MCC: variants seen among roughly 807,000 people sequenced by gnomAD.
MCC encodes MCC regulator of Wnt signaling pathway, also known as colorectal mutant cancer protein.
In MCC, 90 loss-of-function variants were observed where a neutral mutation model predicts 116.2. The ratio of observed to expected loss-of-function variants is 0.77; its 90% CI spans 0.65 to 0.92. The LOEUF (loss-of-function observed/expected upper bound fraction) is 0.92, where lower values mean the gene tolerates loss of function less well. Among genes scored for constraint, MCC ranks in the 40% least tolerant of loss-of-function variants. MCC has a pLI of 0.00. For missense variants in MCC, 1,516 were observed against 1,312.2 expected, an observed-to-expected ratio of 1.16 and a Z score of -2.40; for synonymous variants, 578 against 510.5, an observed-to-expected ratio of 1.13 and a Z score of -1.78.
chr5:113,267,677 A>C (rs1215941682), intron 3 of MCC, among the ~76,000 whole-genome samples: 3 of 152,240 alleles, frequency 2.0e-5, no homozygotes, highest in African/African-American at 7.2e-5. Context: ...CAATTTCCAG[A>C]ACAGGCACAT....
Position 113,434,163 on chromosome 5 carries a change from C to A in MCC, c.171-48951G>T, listed in dbSNP as rs756692400. 6.4e-5 allele frequency: 104 copies of A among 1,614,042 alleles called. No homozygotes were observed. The South Asian group carries it at 1.1e-3, about 17-fold the overall frequency. ...GTTGACGCGGTGCTCCTTCTGGATA[C>A]GCAGCATCTTCTTGATGTTGGAGTC... On this transcript the variant is annotated intron_variant, in intron 1 of 18. Coordinates refer to ENST00000408903, the MANE Select transcript of MCC (RefSeq NM_001085377.2). The surrounding 1 kb of genome is among the most constrained non-coding windows in gnomAD (Gnocchi z 4.2).
At chr5:113,366,606 T>C (rs1768694391) in intron 2 of MCC, among the ~76,000 whole-genome samples, 1 of 152,172 alleles carries the variant, frequency 6.6e-6, no homozygotes. Flanking sequence ...CGCTGAAATT[T>C]GTCTTCTGTT....
At position 113,473,996 on chromosome 5, in the gene MCC, C is replaced by A. The variant is rs1220604355; in HGVS notation, c.170+14249G>T. Among the ~76,000 whole-genome samples, 3 of 152,258 alleles carry A rather than the reference C, an allele frequency of 2.0e-5. No individual in the cohort carries two copies. The Middle Eastern group carries it at 0.01, about 518-fold the overall frequency. On this transcript the variant is annotated intron_variant, in intron 1 of 18. Transcript: ENST00000408903. ...GTGAGACTTATCTAAAGTTACACGA[C>A]CAGTTAGTAGCAGGGGCACTGAATT...
chr5:113,225,284 C>A (rs1439517798), intron 3 of MCC, among the ~76,000 whole-genome samples: 2 of 152,200 alleles, frequency 1.3e-5, no homozygotes, highest in South Asian at 2.1e-4. Flanking sequence ...TTACCCTCAA[C>A]GTATTCTGAC....
At chr5:113,454,278 T>C (rs1351111527) in intron 1 of MCC, among the ~76,000 whole-genome samples, 3 of 152,210 alleles carry the variant, frequency 2.0e-5, no homozygotes, top group Admixed American at 2.0e-4. Flanking sequence ...CTAATTTTTA[T>C]ATTTTTTGTA....
chr5:113,305,903 C>T (rs1026028375), intron 3 of MCC, among the ~76,000 whole-genome samples: 2 of 152,154 alleles, frequency 1.3e-5, no homozygotes, highest in African/African-American at 4.8e-5. Flanking sequence ...TACTCATTAG[C>T]AGTCACTCTG....
At chr5:113,333,831 ATATG>A (rs1461379931) in intron 3 of MCC, among the ~76,000 whole-genome samples, 3 of 106,036 alleles carry the variant, frequency 2.8e-5, no homozygotes, top group Admixed American at 9.6e-5. Context: ...ATATATGTAT[ATATG>A]TATATATGTA....
chr5:113,043,919 TC>T (rs1020119773), intron 16 of MCC, among the ~76,000 whole-genome samples: 3 of 152,234 alleles, frequency 2.0e-5, no homozygotes, highest in African/African-American at 7.2e-5. Context: ...CCATATGCAT[TC>T]AATCATTTAA....
chr5:113,034,499 G>C (rs990883753), intron 17 of MCC, among the ~76,000 whole-genome samples: 1 of 152,218 alleles, frequency 6.6e-6, no homozygotes, highest in African/African-American at 2.4e-5. Flanking sequence ...GTCATCGGGC[G>C]AGAGCCCAGT....
intron 3 of MCC, among the ~76,000 whole-genome samples, chr5:113,214,140 A>T (rs1763228338): frequency 6.6e-6 from 1 of 152,232 alleles, no homozygotes; most frequent in African/African-American, 2.4e-5. Flanking sequence ...CAAAAATCCA[A>T]GGCCACACAC....
chr5:113,405,123 G>A lies in MCC; in HGVS notation c.171-19911C>T, dbSNP rs1289576041. On this transcript the variant is annotated intron_variant, in intron 1 of 18. Transcript: ENST00000408903. ...CAGTCAGCATCCTGATATCTAAAAA[G>A]CAATGTTAGAGAAAAATAAGCCAAG... 5.9e-5 allele frequency among the ~76,000 whole-genome samples: 9 copies of A among 152,194 alleles called. No individual in the cohort carries two copies. In the South Asian group the frequency reaches 1.7e-3, roughly 28 times the overall value.
At position 113,385,184 on chromosome 5, in the gene MCC, G is replaced by C. The variant is rs945389932; in HGVS notation, c.199C>G (p.Leu67Val). The C allele has an allele frequency of 6.2e-6, 10 of 1,613,892 alleles. No homozygotes were observed. The highest frequency in any genetic ancestry group is 8.5e-6 in the Non-Finnish European group (10 of 1,180,014). The stretch of plus-strand genomic sequence containing the variant: ...TCAGCCACAGACTCTTCCATATTCA[G>C]CTGGCGACAGACCATTAGCAAGTCA... The part of the protein sequence containing the change: ...RNDLLMVCRQ[L>V]NMEESVAEIM... Residue 67 changes from leucine (L) to valine (V), a missense_variant, in exon 2 of 19, where the codon CTG becomes GTG. Transcript: ENST00000408903.
intron 6 of MCC, among the ~76,000 whole-genome samples, chr5:113,109,759 A>G (rs1299630518): frequency 6.6e-6 from 1 of 152,216 alleles, no homozygotes; most frequent in Non-Finnish European, 1.5e-5. Flanking sequence ...GCACATTCAG[A>G]AAGGATTTGA....
intron 11 of MCC, among the ~76,000 whole-genome samples, chr5:113,079,955 A>C (rs1489293543): frequency 6.6e-6 from 1 of 152,254 alleles, no homozygotes; most frequent in Non-Finnish European, 1.5e-5. Flanking sequence ...CAAATTTACA[A>C]GACAAAATCA....
At chr5:113,112,401 G>C (rs1427627974) in intron 6 of MCC, among the ~76,000 whole-genome samples, 1 of 152,108 alleles carries the variant, frequency 6.6e-6, no homozygotes, top group Non-Finnish European at 1.5e-5. Flanking sequence ...TTGTTTAAAA[G>C]TGTGTAGCAC....
intron 1 of MCC, chr5:113,432,710 TCGTTTG>T (rs1452406653): frequency 2.0e-5 from 3 of 152,226 alleles, no homozygotes; most frequent in African/African-American, 7.2e-5. Context: ...ATTAGCTGAT[TCGTTTG>T]TCCATTAATT....
At chr5:113,130,025 C>G (rs559630756) in intron 5 of MCC, among the ~76,000 whole-genome samples, 1 of 152,314 alleles carries the variant, frequency 6.6e-6, no homozygotes, top group African/African-American at 2.4e-5. Context: ...GCTATAAAGA[C>G]ACATGCACAT....
At chr5:113,067,074 G>C (rs191146018) in intron 13 of MCC, among the ~76,000 whole-genome samples, 1 of 152,210 alleles carries the variant, frequency 6.6e-6, no homozygotes, top group African/African-American at 2.4e-5. Flanking sequence ...CACTGGCCAC[G>C]TTTTAGCAAA....
At chr5:113,447,157 T>C (rs1771246809) in intron 1 of MCC, among the ~76,000 whole-genome samples, 1 of 152,160 alleles carries the variant, frequency 6.6e-6, no homozygotes, top group African/African-American at 2.4e-5. Context: ...ATCTTAGGAA[T>C]ATCTTCAAAT....
Sources: gnomAD v4.1 joint callset for allele counts (sites outside exome capture counted in the v4.1 genomes callset) on GRCh38, gnomAD v4.1.1 for gene constraint, Gnocchi (gnomAD v3.1) non-coding constraint, MANE v1.5 for transcripts, NCBI Gene and HGNC (gene_info 2026-07-23, HGNC 2026-07-21) for gene names.